IFT122: variants seen among roughly 807,000 people sequenced by gnomAD.
IFT122 encodes the protein intraflagellar transport 122.
A neutral mutation model predicts 161.6 loss-of-function variants in IFT122; 118 were observed. That is an observed-to-expected ratio of 0.73 (90% CI 0.63 to 0.85). The LOEUF is 0.85. IFT122 is among the 40% of genes least tolerant of loss of function. The pLI is 0.00. For missense variants in IFT122, 1,381 were observed against 1,579.6 expected (o/e 0.87, Z 2.13); for synonymous variants, 550 against 602.4 (o/e 0.91, Z 1.27).
intron 27 of IFT122, 135 bp from the exon 28 acceptor site, chr3:129,518,972 C>T (rs1402240748): frequency 1.3e-6 from 1 of 790,808 alleles, no homozygotes; most frequent in Non-Finnish European, 2.3e-6. Context: ...TGGCCTGAGC[C>T]CCCTCTGTTC....
chr3:129,483,936 G>T (rs1319914224), intron 15 of IFT122: 8 of 550,924 alleles, frequency 1.5e-5, no homozygotes, highest in African/African-American at 1.3e-4. Context: ...GGATGGGAGG[G>T]GTATGCAGTG....
At chr3:129,479,028 A>G (rs1318127140) in intron 12 of IFT122, among the ~76,000 whole-genome samples, 1 of 152,178 alleles carries the variant, frequency 6.6e-6, no homozygotes, top group Non-Finnish European at 1.5e-5. Flanking sequence ...TCTTGGAAGT[A>G]GAGGTGGATT....
intron 15 of IFT122, chr3:129,487,750 C>T (rs1367315864): frequency 1.0e-5 from 2 of 200,810 alleles, no homozygotes; most frequent in African/African-American, 5.9e-5. Flanking sequence ...CAACCCACCA[C>T]TGCCCACGGC....
chr3:129,483,841 T>G, intron 15 of IFT122, 159 bp downstream of exon 15: 1 of 757,866 alleles, frequency 1.3e-6, no homozygotes. Flanking sequence ...TGCCGCCCTG[T>G]CTCCACTCCT....
chr3:129,451,090 T>A (rs1011329011), intron 2 of IFT122, among the ~76,000 whole-genome samples: 3 of 151,874 alleles, frequency 2.0e-5, no homozygotes, highest in Non-Finnish European at 4.4e-5. Flanking sequence ...AAATCCATAT[T>A]ACAGCTGGGT....
At chr3:129,459,716 C>T (rs970513855) in intron 4 of IFT122, among the ~76,000 whole-genome samples, 1 of 104,228 alleles carries the variant, frequency 9.6e-6, no homozygotes, top group African/African-American at 4.9e-5. Flanking sequence ...TTCCTTCCTT[C>T]CTTCCTTCCT....
intron 3 of IFT122, among the ~76,000 whole-genome samples, chr3:129,453,191 G>A (rs537253672): frequency 8.0e-4 from 122 of 152,278 alleles, no homozygotes; most frequent in Admixed American, 2.8e-3. Flanking sequence ...GCATAGACGG[G>A]GTATTTGCTT....
At chr3:129,492,897 C>A (rs1577857576) in intron 17 of IFT122, among the ~76,000 whole-genome samples, 1 of 150,376 alleles carries the variant, frequency 6.6e-6, no homozygotes. Flanking sequence ...CAGCTTACTG[C>A]AGCATAGACC....
chr3:129,458,923 G>A (rs2075840522), intron 4 of IFT122, among the ~76,000 whole-genome samples: 1 of 152,174 alleles, frequency 6.6e-6, no homozygotes, highest in South Asian at 2.1e-4. Flanking sequence ...CAGTTCATCT[G>A]ACATTGTAGA....
At chr3:129,456,959 A>G (rs560278472) in intron 3 of IFT122, among the ~76,000 whole-genome samples, 1 of 152,190 alleles carries the variant, frequency 6.6e-6, no homozygotes, top group Non-Finnish European at 1.5e-5. Flanking sequence ...TGACTCCCAT[A>G]AAAAGACTCT....
chr3:129,519,143 C>T lies in IFT122; in HGVS notation c.3428C>T (p.Ser1143Phe). The change falls in exon 28 of 30, where the codon TCC (serine) becomes TTC (phenylalanine). Residue 1143 changes from serine (S) to phenylalanine (F), a missense_variant. By Grantham distance (155) the Ser-to-Phe change is radical. Transcript: ENST00000348417. ...QILRLVETKDSIGDEDPFTAK... is the reference protein window; with the variant it reads ...QILRLVETKDFIGDEDPFTAK... ...CTGCGGCTAGTGGAGACCAAGGACT[C>T]CATCGGAGATGAGGACCCGTTCACA... 6.2e-7 allele frequency: 1 copy of T among 1,614,084 alleles called. No homozygotes were observed. Among genetic ancestry groups the T allele is most frequent in the South Asian group, 1.1e-5 (1 of 91,074 alleles).
In IFT122 at chr3:129,495,301, G is replaced by A. The variant is rs1220993935; in HGVS notation, c.2047-145G>A. ...AAGCCTTCCCAGCGGGAACCTAGGGGAGAGAGACAACAGCCAGGAGCCAAG... is the reference window on the plus strand; with the variant it reads ...AAGCCTTCCCAGCGGGAACCTAGGGAAGAGAGACAACAGCCAGGAGCCAAG... On this transcript the variant is annotated intron_variant, in intron 17 of 29. Coordinates refer to ENST00000348417, the MANE Select transcript of IFT122 (RefSeq NM_052989.3). 8 of 1,124,286 alleles carry A rather than the reference G, an allele frequency of 7.1e-6. No homozygotes were observed. In the East Asian group the frequency reaches 1.3e-4, roughly 18 times the overall value. The allele number at this position is 1,124,286 out of a possible 1,614,324, so 69.6% of individuals were successfully genotyped here.
intron 15 of IFT122, among the ~76,000 whole-genome samples, chr3:129,486,698 G>A (rs552848485): frequency 6.6e-6 from 1 of 152,324 alleles, no homozygotes; most frequent in East Asian, 1.9e-4. Context: ...AGCTGGTGCT[G>A]AGAAAATACA....
At chr3:129,470,899 T>G (rs2077301937) in intron 9 of IFT122, among the ~76,000 whole-genome samples, 1 of 152,090 alleles carries the variant, frequency 6.6e-6, no homozygotes, top group Non-Finnish European at 1.5e-5. Flanking sequence ...AGGACCTGAG[T>G]AGTGTGAATA....
intron 4 of IFT122, among the ~76,000 whole-genome samples, chr3:129,460,354 G>A (rs1038503694): frequency 6.6e-6 from 1 of 152,092 alleles, no homozygotes; most frequent in African/African-American, 2.4e-5. Context: ...TTCACGTAAT[G>A]TCCTCAAGGC....
chr3:129,451,838 A>G, intron 2 of IFT122, 76 bp from the exon 3 acceptor site: 1 of 1,249,592 alleles, frequency 8.0e-7, no homozygotes, highest in Non-Finnish European at 1.2e-6. Flanking sequence ...TAAAAACAAA[A>G]ATAGCAGTAG....
Position 129,451,979 on chromosome 3 carries a change from T to C in IFT122, c.174T>C (p.Cys58=). The C allele has an allele frequency of 6.2e-7, 1 of 1,613,780 alleles. No homozygotes were observed. Among genetic ancestry groups the C allele is most frequent in the Non-Finnish European group, 8.5e-7 (1 of 1,179,658 alleles). The change falls in exon 3 of 30, where the codon TGT becomes TGC. Residue 58 remains cysteine, a synonymous_variant. Transcript: ENST00000348417. ...AGGGACACAAAGACACTGTGTACTG[T>C]GTGGCATATGCGAAGGATGGTAAAA... ...PLKGHKDTVY[C]VAYAKDGKRF... is the part of the protein sequence containing the mutation.
At chr3:129,458,212 G>A (rs1053944497) in intron 3 of IFT122, among the ~76,000 whole-genome samples, 1 of 152,124 alleles carries the variant, frequency 6.6e-6, no homozygotes, top group Non-Finnish European at 1.5e-5. Context: ...AAGTAAATCA[G>A]GTTCCCCAGT....
chr3:129,495,162 G>A (rs989239121), intron 17 of IFT122, among the ~76,000 whole-genome samples: 18 of 152,164 alleles, frequency 1.2e-4, no homozygotes, highest in Non-Finnish European at 8.8e-5. Context: ...AAACTATTCC[G>A]TCATAGCCTT....
Sources: gnomAD v4.1 joint callset for allele counts (sites outside exome capture counted in the v4.1 genomes callset) on GRCh38, gnomAD v4.1.1 for gene constraint, MANE v1.5 for transcripts, NCBI Gene and HGNC (gene_info 2026-07-23, HGNC 2026-07-21) for gene names.